KIAA1549L: variants seen among roughly 807,000 people sequenced by gnomAD.
KIAA1549L encodes the protein KIAA1549 like.
Under a neutral mutation model 160.7 loss-of-function variants are expected in KIAA1549L, and 88 were observed. The observed-to-expected ratio is 0.55, with a 90% CI of 0.46 to 0.65. The LOEUF is 0.65. Ranked by LOEUF, KIAA1549L falls within the 30% of genes least tolerant of loss-of-function variation. KIAA1549L has a pLI of 0.00. For synonymous variants in KIAA1549L, 950 were observed against 976.7 expected (o/e 0.97, Z 0.51); for missense variants, 2,258 against 2,437.5 (o/e 0.93, Z 1.55).
At chr11:33,476,460 G>T (rs1438244305) in intron 1 of KIAA1549L, among the ~76,000 whole-genome samples, 1 of 152,256 alleles carries the variant, frequency 6.6e-6, no homozygotes, top group South Asian at 2.1e-4. Context: ...GAGCAGTTTT[G>T]ATACAGCAGT....
chr11:33,657,015 AG>A (rs1352522344), intron 18 of KIAA1549L, among the ~76,000 whole-genome samples: 1 of 152,140 alleles, frequency 6.6e-6, no homozygotes, highest in Non-Finnish European at 1.5e-5. Context: ...CAAAAGCTCC[AG>A]GGTTCCCCAG....
At chr11:33,451,753 A>G (rs553198506) in intron 1 of KIAA1549L, among the ~76,000 whole-genome samples, 1 of 152,354 alleles carries the variant, frequency 6.6e-6, no homozygotes, top group African/African-American at 2.4e-5. Context: ...AGGGAAATGA[A>G]TTAGACAATC....
At chr11:33,584,474 A>G (rs1855747123) in intron 11 of KIAA1549L, among the ~76,000 whole-genome samples, 1 of 152,194 alleles carries the variant, frequency 6.6e-6, no homozygotes, top group Admixed American at 6.5e-5. Context: ...ACCTCCAGTG[A>G]CTGGGAAAGA....
At position 33,516,442 on chromosome 11, in the gene KIAA1549L, C is replaced by T. The variant is rs1252404427; in HGVS notation, c.239-25360C>T. Among the ~76,000 whole-genome samples the T allele has an allele frequency of 4.6e-5, 7 of 151,174 alleles. 3 individuals carry two copies. Among genetic ancestry groups the T allele is most frequent in the South Asian group, 4.2e-4 (2 of 4,724 alleles). On this transcript the variant is annotated intron_variant, in intron 1 of 20. Coordinates refer to ENST00000658780, the MANE Select transcript of KIAA1549L (RefSeq NM_012194.3). ...CTGGGATTACAGGCGTGAGCCACCGCGCCCGGCCTGGAGGTGATTCTTGAG... is the reference window on the plus strand; with the variant it reads ...CTGGGATTACAGGCGTGAGCCACCGTGCCCGGCCTGGAGGTGATTCTTGAG...
chr11:33,417,337 A>G (rs1026957396), intron 1 of KIAA1549L, among the ~76,000 whole-genome samples: 1 of 152,160 alleles, frequency 6.6e-6, no homozygotes, highest in Non-Finnish European at 1.5e-5. Context: ...CCCACCCAGT[A>G]TCATCCAAGT....
At chr11:33,526,980 A>G (rs1324757431) in intron 1 of KIAA1549L, among the ~76,000 whole-genome samples, 2 of 152,356 alleles carry the variant, frequency 1.3e-5, no homozygotes, top group Non-Finnish European at 1.5e-5. Context: ...ACTTTTGGAA[A>G]TGAAAGACAT....
At chr11:33,589,575 G>A (rs1425525077) in intron 11 of KIAA1549L, among the ~76,000 whole-genome samples, 1 of 152,158 alleles carries the variant, frequency 6.6e-6, no homozygotes, top group African/African-American at 2.4e-5. Flanking sequence ...GGAATACTAT[G>A]CAGCCATAAA....
chr11:33,413,576 C>T (rs1183677781), intron 1 of KIAA1549L, among the ~76,000 whole-genome samples: 1 of 151,934 alleles, frequency 6.6e-6, no homozygotes, highest in Non-Finnish European at 1.5e-5. Flanking sequence ...GTTATGCTAC[C>T]ACGATATCTC....
intron 1 of KIAA1549L, among the ~76,000 whole-genome samples, chr11:33,516,488 G>A (rs1319972533): frequency 3.9e-5 from 6 of 152,204 alleles, no homozygotes; most frequent in Admixed American, 3.9e-4. Flanking sequence ...CTATATCTGA[G>A]CGAGAAATCT....
chr11:33,661,035 C>T, intron 20 of KIAA1549L, 21 bp downstream of exon 20: 1 of 1,590,360 alleles, frequency 6.3e-7, no homozygotes. Flanking sequence ...TGCTCTTCAC[C>T]TCATAAAACT....
At chr11:33,426,246 C>T (rs1851113593) in intron 1 of KIAA1549L, among the ~76,000 whole-genome samples, 1 of 152,184 alleles carries the variant, frequency 6.6e-6, no homozygotes, top group African/African-American at 2.4e-5. Context: ...TCTCTGCACT[C>T]TCTGCTTTGG....
chr11:33,536,717 T>C (rs564864852), intron 1 of KIAA1549L, among the ~76,000 whole-genome samples: 1 of 152,212 alleles, frequency 6.6e-6, no homozygotes, highest in East Asian at 1.9e-4. Flanking sequence ...AAACACAAAC[T>C]ATTTAAATCA....
rs1353641376 is a variant in KIAA1549L, at chr11:33,422,738, T to C, written c.238+45849T>C. On this transcript the variant is annotated intron_variant, in intron 1 of 20. Transcript: ENST00000658780. ...CTTTCTGAGTTGAATTTACAATATATGGCATGTATACAATAGATAATGAGG... is the reference window on the plus strand; with the variant it reads ...CTTTCTGAGTTGAATTTACAATATACGGCATGTATACAATAGATAATGAGG... 3.3e-5 allele frequency among the ~76,000 whole-genome samples: 5 copies of C among 151,788 alleles called. No individual in the cohort carries two copies. In the East Asian group the frequency reaches 7.7e-4, roughly 24 times the overall value.
chr11:33,538,404 T>C (rs1853941016), intron 1 of KIAA1549L, among the ~76,000 whole-genome samples: 2 of 152,196 alleles, frequency 1.3e-5, no homozygotes, highest in African/African-American at 4.8e-5. Context: ...GGACTCTCCC[T>C]TTATTAACCG....
chr11:33,619,024 AT>A (rs1475648265), intron 16 of KIAA1549L, among the ~76,000 whole-genome samples: 49 of 152,322 alleles, frequency 3.2e-4, no homozygotes, highest in African/African-American at 1.2e-3. Context: ...GCTTCTTTTA[AT>A]TCATAGCGAT....
At chr11:33,479,364 G>A (rs1204328560) in intron 1 of KIAA1549L, among the ~76,000 whole-genome samples, 3 of 152,234 alleles carry the variant, frequency 2.0e-5, no homozygotes, top group Non-Finnish European at 4.4e-5. Context: ...AAGCCAGAAT[G>A]TGAAATTTAC....
Position 33,583,203 on chromosome 11 carries a change from T to C in KIAA1549L, c.4403-135T>C. ...TCACACAGCTGCGGAGGTGGAGGCT[T>C]TCTAACCCCAAACCCTCTTAACCTC... On this transcript the variant is annotated intron_variant, in intron 10 of 20. Coordinates refer to ENST00000658780, the MANE Select transcript of KIAA1549L (RefSeq NM_012194.3). 3 of 791,762 alleles carry C rather than the reference T, an allele frequency of 3.8e-6. No individual in the cohort carries two copies. In the East Asian group the frequency reaches 8.6e-5, roughly 23 times the overall value. The allele number at this position is 791,762 out of a possible 1,614,324, so 49.0% of individuals were successfully genotyped here. A position where few individuals can be genotyped will look rare whatever the true frequency, so the allele number is the denominator to read the frequency against.
intron 17 of KIAA1549L, 48 bp from the exon 18 acceptor site, chr11:33,655,964 G>C: frequency 7.5e-7 from 1 of 1,332,326 alleles, no homozygotes; most frequent in South Asian, 1.2e-5. Context: ...TGTGCTGATC[G>C]ACCCTGGGTG....
chr11:33,450,924 A>G (rs1851708995), intron 1 of KIAA1549L: 1 of 151,944 alleles, frequency 6.6e-6, no homozygotes, highest in South Asian at 2.1e-4. Flanking sequence ...GCTTGCCCTG[A>G]CTCCTTCATC....
Sources: allele counts gnomAD v4.1 joint callset (sites outside exome capture counted in the v4.1 genomes callset), GRCh38; gene constraint gnomAD v4.1.1; transcripts MANE v1.5; gene names NCBI Gene and HGNC (gene_info 2026-07-23, HGNC 2026-07-21).